TBC1D8: variants seen among roughly 807,000 people sequenced by gnomAD.
TBC1D8 encodes TBC1 domain family member 8.
TBC1D8 carries 65 observed loss-of-function variants against 118.8 expected under a neutral mutation model. That is an observed-to-expected ratio of 0.55 (90% confidence interval 0.45 to 0.67). TBC1D8 has a LOEUF of 0.67. TBC1D8 is among the 30% of genes least tolerant of loss of function. The pLI is 0.00. For synonymous variants in TBC1D8, 566 were observed against 595.8 expected (o/e 0.95, Z 0.73); for missense variants, 1,376 against 1,471.2 (o/e 0.94, Z 1.06).
intron 2 of TBC1D8, among the ~76,000 whole-genome samples, chr2:101,069,247 C>T (rs1017036873): frequency 4.6e-5 from 7 of 151,028 alleles, no homozygotes; most frequent in South Asian, 2.1e-4. Context: ...GACCCAAGAT[C>T]ACGCCACTGC....
intron 2 of TBC1D8, among the ~76,000 whole-genome samples, chr2:101,084,778 A>G (rs946221601): frequency 6.6e-6 from 1 of 152,210 alleles, no homozygotes; most frequent in Admixed American, 6.5e-5. Context: ...GGCAGGCAAC[A>G]AACATTTCAA....
chr2:101,022,254 T>A, intron 16 of TBC1D8, 27 bp downstream of exon 16: 2 of 1,613,094 alleles, frequency 1.2e-6, no homozygotes, highest in African/African-American at 2.7e-5. Context: ...CCAAAGCACA[T>A]CACTGCGAAA....
At chr2:101,070,415 G>GT (rs1461653553) in intron 2 of TBC1D8, among the ~76,000 whole-genome samples, 2 of 63,576 alleles carry the variant, frequency 3.1e-5, no homozygotes, top group Non-Finnish European at 5.7e-5. Flanking sequence ...AAACAAATCT[G>GT]ATTTTTTTTT....
intron 17 of TBC1D8, among the ~76,000 whole-genome samples, chr2:101,012,027 TAGTGAATTC>T (rs59666991): frequency 0.1 from 15,866 of 152,244 alleles, 944 homozygotes; most frequent in Non-Finnish European, 0.14. Flanking sequence ...AGAAAAGCCT[TAGTGAATTC>T]AAAGCAGCAT....
At position 101,028,377 on chromosome 2, in the gene TBC1D8, G is replaced by C; in HGVS notation, c.2278C>G (p.His760Asp). ...DSPGPPVGSH[H>D]AFFSDDQEPY... Reference sequence around the variant, plus strand: ...TCCTGGTCGTCGGAGAAAAAGGCATGGTGGCTGCCAACTGGGGGCCCTGGG... The same window carrying C: ...TCCTGGTCGTCGGAGAAAAAGGCATCGTGGCTGCCAACTGGGGGCCCTGGG... The change falls in exon 13 of 20, where the codon CAT becomes GAT. Residue 760 changes from histidine (H) to aspartate (D), a missense_variant. By Grantham distance (81) the His-to-Asp change is moderately conservative (BLOSUM62 -1). Transcript: ENST00000409318. The C allele has an allele frequency of 6.2e-7, 1 of 1,611,502 alleles. No individual in the cohort carries two copies.
intron 3 of TBC1D8, among the ~76,000 whole-genome samples, chr2:101,058,447 C>A (rs1039035767): frequency 1.3e-5 from 2 of 152,172 alleles, no homozygotes; most frequent in Non-Finnish European, 2.9e-5. Flanking sequence ...AAAACTGTAT[C>A]ATACGCTAAT....
Position 101,032,811 on chromosome 2 carries a change from T to G in TBC1D8, c.1819-426A>C, listed in dbSNP as rs190382152. The G allele has an allele frequency of 3.6e-5, 6 of 165,088 alleles. No homozygotes were observed. The East Asian group carries it at 9.9e-4, about 27-fold the overall frequency. 10.2% of individuals were successfully genotyped at this position (165,088 alleles called of 1,614,324 possible). A position where few individuals can be genotyped will look rare whatever the true frequency, so the allele number is the denominator to read the frequency against. ...TGTCAGGAGCTTCATTAATCCCGGC[T>G]TGTGCTGGGTTTGGCTGCTGCTTTA... On this transcript the variant is annotated intron_variant, in intron 10 of 19. Coordinates refer to ENST00000409318, the MANE Select transcript of TBC1D8 (RefSeq NM_001330348.2).
chr2:101,008,386 G>T, intron 19 of TBC1D8, 113 bp from the exon 20 acceptor site: 2 of 847,062 alleles, frequency 2.4e-6, no homozygotes, highest in Middle Eastern at 2.9e-4. Flanking sequence ...TGAAGACACA[G>T]AATATAAGAA....
chr2:101,096,268 C>T (rs918933228), intron 1 of TBC1D8, among the ~76,000 whole-genome samples: 6 of 151,892 alleles, frequency 4.0e-5, no homozygotes, highest in Non-Finnish European at 7.4e-5. Context: ...GAGACCATAA[C>T]AAGGACACCT....
chr2:101,064,015 C>A lies in TBC1D8; in HGVS notation c.284-4476G>T, dbSNP rs189551113. 4.3e-3 allele frequency among the ~76,000 whole-genome samples: 653 copies of A among 152,290 alleles called. 9 individuals carry two copies. Among genetic ancestry groups the A allele is most frequent in the African/African-American group, 0.015 (629 of 41,560 alleles). On this transcript the variant is annotated intron_variant, in intron 2 of 19. Coordinates refer to ENST00000409318, the MANE Select transcript of TBC1D8 (RefSeq NM_001330348.2). ...AAAAAGCCTACAAATTAACTCAGTA[C>A]CACAGCAATGTTCTCACTGCTGCTT...
chr2:101,014,352 C>T (rs1274516143), intron 17 of TBC1D8, among the ~76,000 whole-genome samples: 1 of 152,196 alleles, frequency 6.6e-6, no homozygotes, highest in African/African-American at 2.4e-5. Flanking sequence ...GGTATCATTT[C>T]TGATGTAGCT....
chr2:101,015,841 AAATG>A (rs1679590379), intron 17 of TBC1D8, among the ~76,000 whole-genome samples: 1 of 152,176 alleles, frequency 6.6e-6, no homozygotes, highest in Admixed American at 6.5e-5. Context: ...CCTATTTAAT[AAATG>A]GTGTTGGGAA....
intron 1 of TBC1D8, among the ~76,000 whole-genome samples, chr2:101,113,984 C>G (rs751188581): frequency 6.6e-6 from 1 of 152,216 alleles, no homozygotes; most frequent in Admixed American, 6.5e-5. Flanking sequence ...AAGCAACTAT[C>G]TATTGAACAC....
At chr2:101,037,399 G>A in intron 8 of TBC1D8, 133 bp downstream of exon 8, 1 of 1,299,706 alleles carries the variant, frequency 7.7e-7, no homozygotes, top group Non-Finnish European at 1.0e-6. Context: ...TCACCCATGA[G>A]AACAAGACGG....
At chr2:101,054,667 CTTTTCTTTTTTTTTTTTTTT>C (rs1310420217) in intron 3 of TBC1D8, among the ~76,000 whole-genome samples, 4 of 21,306 alleles carry the variant, frequency 1.9e-4, no homozygotes, top group Admixed American at 7.2e-4. Context: ...ATTTTCTTTT[CTTTTCTTTTTTTTTTTTTTT>C]TTTTTTTTTT....
At chr2:101,068,666 C>A in intron 2 of TBC1D8, 1 of 463,434 alleles carries the variant, frequency 2.2e-6, no homozygotes. Flanking sequence ...CTGGATGATA[C>A]CTTAGCACTT....
intron 2 of TBC1D8, among the ~76,000 whole-genome samples, chr2:101,078,033 G>A (rs891875598): frequency 1.3e-5 from 2 of 151,880 alleles, no homozygotes; most frequent in Non-Finnish European, 2.9e-5. Flanking sequence ...GTCATCCCCC[G>A]CAGAAGTGGG....
At chr2:101,036,650 A>T (rs1307446182) in intron 8 of TBC1D8, among the ~76,000 whole-genome samples, 1 of 152,162 alleles carries the variant, frequency 6.6e-6, no homozygotes, top group Non-Finnish European at 1.5e-5. Context: ...TGAAACCTGA[A>T]AAAAACTGCA....
At chr2:101,052,479 CTT>C (rs3043690) in intron 4 of TBC1D8, among the ~76,000 whole-genome samples, 7 of 138,834 alleles carry the variant, frequency 5.0e-5, no homozygotes, top group African/African-American at 8.1e-5. Flanking sequence ...TTTCCTAAAT[CTT>C]TTTTTTTTTT....
Sources: allele counts gnomAD v4.1 joint callset (sites outside exome capture counted in the v4.1 genomes callset), GRCh38; gene constraint gnomAD v4.1.1; transcripts MANE v1.5; gene names NCBI Gene and HGNC (gene_info 2026-07-23, HGNC 2026-07-21).